The following ALK variants were observed in gnomAD, a reference collection of about 807,000 sequenced individuals.
The protein encoded by ALK is ALK receptor tyrosine kinase, also known as ALK tyrosine kinase receptor.
ALK carries 74 observed loss-of-function variants against 163.1 expected under a neutral mutation model. The ratio of observed to expected loss-of-function variants is 0.45; its 90% CI spans 0.38 to 0.55. The LOEUF (loss-of-function observed/expected upper bound fraction) is 0.55. ALK is among the 20% of genes least tolerant of loss of function. The pLI is 0.00. For synonymous variants in ALK, 960 were observed against 843.2 expected, an observed-to-expected ratio of 1.14 and a Z score of -2.40; for missense variants, 2,063 against 2,105.3, an observed-to-expected ratio of 0.98 and a Z score of 0.39.
chr2:29,677,500 G>A (rs1327078191), intron 3 of ALK, among the ~76,000 whole-genome samples: 1 of 151,874 alleles, frequency 6.6e-6, no homozygotes, highest in Non-Finnish European at 1.5e-5. Flanking sequence ...AGTGGATGTT[G>A]GATTCTATCA....
intron 1 of ALK, among the ~76,000 whole-genome samples, chr2:29,730,802 C>A (rs1289720946): frequency 1.3e-5 from 2 of 152,320 alleles, no homozygotes; most frequent in Admixed American, 1.3e-4. Flanking sequence ...TGCTGACAGG[C>A]TCCATAGGTC....
chr2:29,734,019 G>A (rs79547816), intron 1 of ALK, among the ~76,000 whole-genome samples: 1,807 of 152,184 alleles, frequency 0.012, 31 homozygotes, highest in African/African-American at 0.041. Flanking sequence ...GTCAGTCTGC[G>A]AGCCAGCAAA....
chr2:29,765,684 G>A (rs777852104), intron 1 of ALK, among the ~76,000 whole-genome samples: 21 of 151,880 alleles, frequency 1.4e-4, no homozygotes, highest in South Asian at 2.1e-4. Context: ...TTAAAAACTT[G>A]GAAAATACAA....
chr2:29,493,921 T>TTCACC (rs1284758178), intron 4 of ALK, among the ~76,000 whole-genome samples: 3 of 152,176 alleles, frequency 2.0e-5, no homozygotes, highest in Non-Finnish European at 4.4e-5. Flanking sequence ...AGAAGGCTCT[T>TTCACC]TCACCCTTCC....
chr2:29,709,516 T>C (rs1679011061), intron 2 of ALK, among the ~76,000 whole-genome samples: 1 of 152,140 alleles, frequency 6.6e-6, no homozygotes, highest in African/African-American at 2.4e-5. Context: ...GGAAACAAGA[T>C]GTGAATTCCT....
At chr2:29,277,359 T>C (rs1036634371) in intron 9 of ALK, among the ~76,000 whole-genome samples, 8 of 152,252 alleles carry the variant, frequency 5.3e-5, no homozygotes, top group African/African-American at 1.9e-4. Context: ...GGCTTGGTTA[T>C]TCCTGGCCAG....
Position 29,383,780 on chromosome 2 carries a change from G to T in ALK, c.1234C>A (p.Arg412Ser). The change falls in exon 5 of 29, where the codon CGC becomes AGC. Residue 412 changes from arginine to serine, a missense_variant. By Grantham distance (110) the Arg-to-Ser change is moderately radical. Around this residue, in one of 5 missense-constraint regions of ALK, gnomAD observed 987 missense variants for 939.5 expected, o/e 1.05. Coordinates refer to ENST00000389048, the MANE Select transcript of ALK (RefSeq NM_004304.5). ...AAGAAGTCCACTGCAGACAAGCTGCGGTTTCCACTGGAGATGTATTCCAGG... is the reference window on the plus strand; with the variant it reads ...AAGAAGTCCACTGCAGACAAGCTGCTGTTTCCACTGGAGATGTATTCCAGG... Reference protein sequence around the residue: ...VALEYISSGNRSLSAVDFFAL... With the variant: ...VALEYISSGNSSLSAVDFFAL... 1 of 1,614,148 alleles carries T rather than the reference G, an allele frequency of 6.2e-7. No individual in the cohort carries two copies. Among genetic ancestry groups the T allele is most frequent in the Non-Finnish European group, 8.5e-7 (1 of 1,180,002 alleles).
intron 3 of ALK, among the ~76,000 whole-genome samples, chr2:29,618,027 GC>G (rs1186876237): frequency 6.6e-6 from 1 of 152,198 alleles, no homozygotes; most frequent in Non-Finnish European, 1.5e-5. Context: ...CACAGGGTCT[GC>G]CTGGCACATC....
intron 4 of ALK, among the ~76,000 whole-genome samples, chr2:29,454,102 G>A (rs1670890050): frequency 6.6e-6 from 1 of 152,166 alleles, no homozygotes; most frequent in African/African-American, 2.4e-5. Context: ...TTGCATATGT[G>A]AGTCTCTACA....
intron 1 of ALK, among the ~76,000 whole-genome samples, chr2:29,721,755 T>C (rs1392047243): frequency 1.3e-5 from 2 of 152,220 alleles, no homozygotes; most frequent in African/African-American, 4.8e-5. Flanking sequence ...TTTCCCTCTC[T>C]ACCAAGTCAG....
chr2:29,618,681 T>TA (rs1159044563), intron 3 of ALK, among the ~76,000 whole-genome samples: 1 of 152,098 alleles, frequency 6.6e-6, no homozygotes, highest in East Asian at 1.9e-4. Context: ...GCAAAACCAA[T>TA]AAAAAATAAA....
chr2:29,340,185 C>A (rs183231535), intron 5 of ALK, among the ~76,000 whole-genome samples: 29 of 152,318 alleles, frequency 1.9e-4, no homozygotes, highest in South Asian at 8.3e-4. Context: ...CATACCTCCC[C>A]GTAAAATATG....
At chr2:29,586,603 A>T (rs1248231937) in intron 3 of ALK, among the ~76,000 whole-genome samples, 2 of 152,178 alleles carry the variant, frequency 1.3e-5, no homozygotes, top group East Asian at 1.9e-4. Context: ...CTCCTCTGGG[A>T]TAGTGGTCCT....
chr2:29,560,800 G>A (rs1674000657), intron 3 of ALK, among the ~76,000 whole-genome samples: 1 of 152,010 alleles, frequency 6.6e-6, no homozygotes, highest in Admixed American at 6.6e-5. Flanking sequence ...TCGAACTCCT[G>A]GACTCAAGTG....
At chr2:29,819,842 A>G (rs1490811264) in intron 1 of ALK, among the ~76,000 whole-genome samples, 1 of 152,182 alleles carries the variant, frequency 6.6e-6, no homozygotes, top group East Asian at 1.9e-4. Context: ...CACCATCCAC[A>G]TTCCCCAATC....
In ALK at chr2:29,223,351, G is replaced by T. The variant is rs1669859051; in HGVS notation, c.3350C>A (p.Thr1117Asn). 4 of 1,614,122 alleles carry T rather than the reference G, an allele frequency of 2.5e-6. No homozygotes were observed. The highest frequency in any genetic ancestry group is 3.4e-6 in the Non-Finnish European group (4 of 1,180,026). The change falls in exon 20 of 29, where the codon ACC becomes AAC. Residue 1117 changes from threonine to asparagine, a missense_variant. Physicochemically the swap from Thr to Asn is moderately conservative, Grantham distance 65. Around this residue, in one of 5 missense-constraint regions of ALK, gnomAD observed 575 missense variants for 626.6 expected, o/e 0.92. Transcript: ENST00000389048. ...DLKEVPRKNI[T>N]LIRGLGHGAF... ...GCAGCAGGGCGCTCACCGAATGAGG[G>T]TGATGTTTTTCCGCGGCACCTCCTT...
chr2:29,715,224 A>G (rs1012317394), intron 2 of ALK, among the ~76,000 whole-genome samples: 1 of 152,204 alleles, frequency 6.6e-6, no homozygotes, highest in Admixed American at 6.5e-5. Flanking sequence ...TTAAGGAACC[A>G]CCAATGAAGA....
chr2:29,804,450 C>G (rs535421194), intron 1 of ALK, among the ~76,000 whole-genome samples: 2 of 152,212 alleles, frequency 1.3e-5, no homozygotes, highest in Non-Finnish European at 2.9e-5. Flanking sequence ...CAAACCCTCA[C>G]CTCATATGCA....
At position 29,834,006 on chromosome 2, in the gene ALK, C is replaced by A. The variant is rs142800725; in HGVS notation, c.667+85987G>T. 3.0e-4 allele frequency among the ~76,000 whole-genome samples: 46 copies of A among 152,240 alleles called. 1 individual carries two copies. Among genetic ancestry groups the A allele is most frequent in the African/African-American group, 1.1e-3 (44 of 41,550 alleles). On this transcript the variant is annotated intron_variant, in intron 1 of 28. Coordinates refer to ENST00000389048, the MANE Select transcript of ALK (RefSeq NM_004304.5). ...GGAGCACAGTTTAATTCTGCAAAAT[C>A]AATAGGACACATGGTTGGGCAGAAA...
Sources: gnomAD v4.1 joint callset for allele counts (sites outside exome capture counted in the v4.1 genomes callset) on GRCh38, gnomAD v4.1.1 for gene constraint, gnomAD v4.1.1 regional missense constraint, MANE v1.5 for transcripts, NCBI Gene and HGNC (gene_info 2026-07-23, HGNC 2026-07-21) for gene names.